POU6F1: variants seen among roughly 807,000 people sequenced by gnomAD.
The protein encoded by POU6F1 is POU domain, class 6, transcription factor 1.
POU6F1 carries 9 observed loss-of-function variants against 28.9 expected under a neutral mutation model. That is an observed-to-expected ratio of 0.31 (90% CI 0.19 to 0.54). The LOEUF is 0.54. Among genes scored for constraint, POU6F1 ranks in the 20% least tolerant of loss-of-function variants. The pLI is 0.94. For missense variants in POU6F1, 338 were observed against 426.1 expected, an observed-to-expected ratio of 0.79 and a Z score of 1.82; for synonymous variants, 173 against 171.1, an observed-to-expected ratio of 1.01 and a Z score of -0.09.
Position 51,196,154 on chromosome 12 carries a change from C to G in POU6F1, c.995G>C (p.Trp332Ser), listed in dbSNP as rs768693205. ...AQGQVIGTLP[W>S]VVNSASVAAP... The stretch of plus-strand genomic sequence containing the variant: ...CGCCACACTAGCTGAGTTCACTACC[C>G]ATGGAAGGGTTCCAATAACCTGGGA... Residue 332 changes from tryptophan (W) to serine (S), a missense_variant, in exon 8 of 11, where the codon TGG (tryptophan) becomes TCG (serine). This residue lies in a region of POU6F1 where 206 missense variants were observed against 225.6 expected (regional missense o/e 0.91). Transcript: ENST00000333640. 2.0e-6 allele frequency: 3 copies of G among 1,529,936 alleles called. No homozygotes were observed. Among genetic ancestry groups the G allele is most frequent in the Non-Finnish European group, 2.6e-6 (3 of 1,141,170 alleles). 94.8% of individuals were successfully genotyped at this position (1,529,936 alleles called of 1,614,324 possible). A position where few individuals can be genotyped will look rare whatever the true frequency, so the allele number is the denominator to read the frequency against.
At chr12:51,216,283 C>G (rs566164139) in intron 1 of POU6F1, among the ~76,000 whole-genome samples, 1 of 152,310 alleles carries the variant, frequency 6.6e-6, no homozygotes, top group South Asian at 2.1e-4. Flanking sequence ...CTTCAAAATG[C>G]AGAAAAACCT....
At chr12:51,203,333 A>G (rs932885199) in intron 3 of POU6F1, among the ~76,000 whole-genome samples, 8 of 152,182 alleles carry the variant, frequency 5.3e-5, no homozygotes, top group African/African-American at 1.9e-4. Flanking sequence ...CACAATGGCT[A>G]TGCTGAATGG....
chr12:51,190,103 T>C lies in POU6F1; in HGVS notation c.*144A>G. On this transcript the variant is annotated 3_prime_UTR_variant, in exon 11 of 11. Coordinates refer to ENST00000333640, the MANE Select transcript of POU6F1 (RefSeq NM_001330422.2). The surrounding 1 kb of genome is among the most constrained non-coding windows in gnomAD (Gnocchi z 4.5). ...GTGTGGGAGAAAAGAGGGACATTGATGCACATGCACACGGTGGAGTCTGAT... is the reference window on the plus strand; with the variant it reads ...GTGTGGGAGAAAAGAGGGACATTGACGCACATGCACACGGTGGAGTCTGAT... 7.4e-7 allele frequency: 1 copy of C among 1,358,296 alleles called. No homozygotes were observed. The highest frequency in any genetic ancestry group is 2.7e-5 in the Admixed American group (1 of 37,198). 84.1% of individuals were successfully genotyped at this position (1,358,296 alleles called of 1,614,324 possible).
At chr12:51,193,018 C>T (rs959833917) in intron 8 of POU6F1, among the ~76,000 whole-genome samples, 2 of 152,166 alleles carry the variant, frequency 1.3e-5, no homozygotes, top group African/African-American at 4.8e-5. Context: ...GAGCTTCACA[C>T]CCAACTGTGA....
Position 51,199,506 on chromosome 12 carries a change from T to C in POU6F1, c.366+241A>G, listed in dbSNP as rs1408675417. ...TGCGTGAAAGAGTTAATGTTATTTC[T>C]GCAATCCTGGCAGGCCCAAGGAGAT... On this transcript the variant is annotated intron_variant, in intron 4 of 10. Transcript: ENST00000333640. The surrounding 1 kb of genome is among the most constrained non-coding windows in gnomAD (Gnocchi z 4.1). 2.6e-5 allele frequency among the ~76,000 whole-genome samples: 4 copies of C among 152,208 alleles called. No homozygotes were observed. Among genetic ancestry groups the C allele is most frequent in the African/African-American group, 9.7e-5 (4 of 41,438 alleles).
intron 1 of POU6F1, among the ~76,000 whole-genome samples, chr12:51,209,517 G>A (rs189394325): frequency 1.1e-3 from 168 of 152,218 alleles, no homozygotes; most frequent in African/African-American, 3.8e-3. Context: ...ACTATATTTT[G>A]TTTATCCATT....
intron 10 of POU6F1, among the ~76,000 whole-genome samples, chr12:51,191,220 G>T (rs1384152834): frequency 3.9e-5 from 6 of 152,210 alleles, no homozygotes; most frequent in Non-Finnish European, 7.3e-5. Flanking sequence ...AGGGGAGATG[G>T]GAGCATGATG....
At chr12:51,206,691 A>T (rs1263168021) in intron 2 of POU6F1, 98 bp downstream of exon 2, 3 of 398,024 alleles carry the variant, frequency 7.5e-6, no homozygotes, top group African/African-American at 6.2e-5. Flanking sequence ...GAACCCTGGT[A>T]AGAAACAGAG....
intron 8 of POU6F1, among the ~76,000 whole-genome samples, chr12:51,192,892 G>A (rs1344094036): frequency 1.3e-5 from 2 of 150,266 alleles, no homozygotes; most frequent in Admixed American, 1.3e-4. Flanking sequence ...GCGACAGAGT[G>A]AGACTCCGTC....
chr12:51,187,391 G>A lies in POU6F1; in HGVS notation c.*2856C>T, dbSNP rs1314630209. The A allele has an allele frequency of 6.6e-6, 1 of 152,206 alleles. No homozygotes were observed. Among genetic ancestry groups the A allele is most frequent in the Non-Finnish European group, 1.5e-5 (1 of 68,040 alleles). 9.4% of individuals were successfully genotyped at this position (152,206 alleles called of 1,614,324 possible). ...AAGCTCTGGTGTAAGTCCAGAAGAT[G>A]TTTTCAAAACAAAATGTATACCAAC... On this transcript the variant is annotated 3_prime_UTR_variant, in exon 11 of 11. Transcript: ENST00000333640.
At chr12:51,198,204 C>G (rs533044045) in intron 5 of POU6F1, 181 bp from the exon 6 acceptor site, 2 of 397,442 alleles carry the variant, frequency 5.0e-6, no homozygotes, top group African/African-American at 2.1e-5. Flanking sequence ...CTTATCCCCC[C>G]TCCCTGGGGC....
chr12:51,211,698 A>T (rs1180719770), intron 1 of POU6F1, among the ~76,000 whole-genome samples: 1 of 152,200 alleles, frequency 6.6e-6, no homozygotes, highest in Non-Finnish European at 1.5e-5. Context: ...GGCTGCAGTG[A>T]GTCGTGATCA....
At chr12:51,211,542 ATATCTTCCTGGGCAAT>A (rs1480965261) in intron 1 of POU6F1, among the ~76,000 whole-genome samples, 1 of 152,148 alleles carries the variant, frequency 6.6e-6, no homozygotes, top group African/African-American at 2.4e-5. Context: ...CAGGAGTTTG[ATATCTTCCTGGGCAAT>A]GCAGGGAGAC....
chr12:51,211,298 G>C (rs1010633998), intron 1 of POU6F1, among the ~76,000 whole-genome samples: 1 of 152,176 alleles, frequency 6.6e-6, no homozygotes, highest in Admixed American at 6.5e-5. Flanking sequence ...GTTAAAGCTG[G>C]GGAGAGAGCC....
chr12:51,207,630 C>T (rs965529537), intron 1 of POU6F1: 2 of 152,132 alleles, frequency 1.3e-5, no homozygotes, highest in Non-Finnish European at 2.9e-5. Flanking sequence ...ACCTGGAGCA[C>T]TTAGTAAAAA....
chr12:51,200,545 A>G (rs1462490491), intron 3 of POU6F1, among the ~76,000 whole-genome samples: 1 of 152,158 alleles, frequency 6.6e-6, no homozygotes, highest in East Asian at 1.9e-4. Context: ...ACCTTAGCCT[A>G]CACACGTACT....
intron 1 of POU6F1, among the ~76,000 whole-genome samples, chr12:51,212,957 G>A (rs1322439739): frequency 6.6e-6 from 1 of 150,546 alleles, no homozygotes; most frequent in Non-Finnish European, 1.5e-5. Flanking sequence ...TTTTTTTCGA[G>A]GCGGAGTCTC....
At position 51,190,512 on chromosome 12, in the gene POU6F1, A is replaced by T. The variant is rs1204219233; in HGVS notation, c.1571T>A (p.Leu524Gln). The change falls in exon 11 of 11, where the codon CTG becomes CAG. Residue 524 changes from leucine to glutamine, a missense_variant. Leu to Gln is a moderately radical substitution (Grantham distance 113, BLOSUM62 -2). Coordinates refer to ENST00000333640, the MANE Select transcript of POU6F1 (RefSeq NM_001330422.2). This position sits in a 1 kb window ranked among gnomAD's most constrained non-coding sequence, Gnocchi z 4.5. ...VLEKWLNEAE[L>Q]RNQEGQQNLM... ...GTTCTGCTGGCCTTCCTGGTTCCGC[A>T]GTTCAGCTTCGTTTAGCCACTTTTC... The T allele has an allele frequency of 1.2e-6, 2 of 1,613,934 alleles. No homozygotes were observed. The highest frequency in any genetic ancestry group is 3.3e-5 in the Admixed American group (2 of 59,998).
rs761814812 is a variant in POU6F1 at position 51,190,264 on chromosome 12, C to T, written c.1819G>A (p.Val607Ile). 10 of 1,614,156 alleles carry T rather than the reference C, an allele frequency of 6.2e-6. No individual in the cohort carries two copies. Among genetic ancestry groups the T allele is most frequent in the East Asian group, 4.5e-5 (2 of 44,882 alleles). The change falls in exon 11 of 11, where the codon GTC (valine) becomes ATC (isoleucine). Residue 607 changes from valine to isoleucine, a missense_variant. Physicochemically the swap from Val to Ile is conservative, Grantham distance 29. Around this residue, in one of 3 missense-constraint regions of POU6F1, gnomAD observed 126 missense variants for 176.5 expected, o/e 0.71. Transcript: ENST00000333640. This position sits in a 1 kb window ranked among gnomAD's most constrained non-coding sequence, Gnocchi z 4.5. ...QTLKNTSKLN[V>I]FQIP ...GCTGAGCCCTAAGGGATCTGAAAGACGTTCAGCTTGCTGGTGTTCTTGAGC... is the reference window on the plus strand; with the variant it reads ...GCTGAGCCCTAAGGGATCTGAAAGATGTTCAGCTTGCTGGTGTTCTTGAGC...
Sources: gnomAD v4.1 joint callset for allele counts (sites outside exome capture counted in the v4.1 genomes callset) on GRCh38, gnomAD v4.1.1 for gene constraint, gnomAD v4.1.1 regional missense constraint, Gnocchi (gnomAD v3.1) non-coding constraint, MANE v1.5 for transcripts, NCBI Gene and HGNC (gene_info 2026-07-23, HGNC 2026-07-21) for gene names.